The following RAD51B variants were observed in gnomAD, a reference collection of about 807,000 sequenced individuals.
RAD51B encodes the protein RAD51 paralog B.
RAD51B carries 38 observed loss-of-function variants against 42.2 expected under a neutral mutation model. The observed-to-expected ratio is 0.90, with a 90% CI of 0.70 to 1.18. The LOEUF is 1.18. RAD51B is among the 50% of genes most tolerant of loss of function. The probability of loss-of-function intolerance (pLI) is 0.00; values close to 1 mark genes in which losing one functional copy is unlikely to be tolerated. For missense variants in RAD51B, 373 were observed against 400.7 expected (o/e 0.93, Z 0.59); for synonymous variants, 154 against 145.2 (o/e 1.06, Z -0.43).
intron 10 of RAD51B, among the ~76,000 whole-genome samples, chr14:68,573,972 G>A (rs1286651028): frequency 2.2e-5 from 1 of 45,214 alleles, no homozygotes; most frequent in African/African-American, 8.4e-5. Context: ...GTGGGTGTCA[G>A]TGTGTGTATG....
At chr14:68,284,890 A>G (rs541657156) in intron 7 of RAD51B, among the ~76,000 whole-genome samples, 1 of 152,284 alleles carries the variant, frequency 6.6e-6, no homozygotes, top group Admixed American at 6.5e-5. Flanking sequence ...CTCTATACAA[A>G]GCTGGATGTG....
At chr14:68,406,385 A>T (rs1269900696) in intron 8 of RAD51B, among the ~76,000 whole-genome samples, 1 of 152,236 alleles carries the variant, frequency 6.6e-6, no homozygotes, top group Non-Finnish European at 1.5e-5. Context: ...ATGTTGCTGT[A>T]CTGAATACTA....
At chr14:68,370,864 C>G (rs2083240038) in intron 8 of RAD51B, among the ~76,000 whole-genome samples, 1 of 150,404 alleles carries the variant, frequency 6.6e-6, no homozygotes, top group African/African-American at 2.4e-5. Flanking sequence ...GAAACCCCAT[C>G]TCTACTAAAA....
intron 7 of RAD51B, among the ~76,000 whole-genome samples, chr14:68,184,391 A>C (rs1035817594): frequency 1.6e-4 from 24 of 152,084 alleles, no homozygotes; most frequent in Non-Finnish European, 2.9e-4. Context: ...GCATACCACC[A>C]TGCCTGGCTA....
At chr14:68,679,951 T>A (rs148807035) in intron 11 of RAD51B, among the ~76,000 whole-genome samples, 106 of 152,352 alleles carry the variant, frequency 7.0e-4, no homozygotes, top group African/African-American at 2.3e-3. Flanking sequence ...GAATGTTGGT[T>A]AATAATTACA....
chr14:68,296,080 C>G (rs189494896), intron 8 of RAD51B, among the ~76,000 whole-genome samples: 1 of 152,186 alleles, frequency 6.6e-6, no homozygotes, highest in African/African-American at 2.4e-5. Flanking sequence ...TCTGAAGGTC[C>G]TTTTTGTTGT....
At chr14:67,917,797 G>T (rs1276123745) in intron 7 of RAD51B, among the ~76,000 whole-genome samples, 1 of 152,068 alleles carries the variant, frequency 6.6e-6, no homozygotes, top group African/African-American at 2.4e-5. Flanking sequence ...AGATTTGAGG[G>T]GGAAGATCAG....
At chr14:67,849,124 A>G (rs1444493786) in intron 4 of RAD51B, among the ~76,000 whole-genome samples, 2 of 152,060 alleles carry the variant, frequency 1.3e-5, no homozygotes, top group Non-Finnish European at 2.9e-5. Context: ...TATTAGGGAA[A>G]TTTTCTTGAA....
intron 7 of RAD51B, among the ~76,000 whole-genome samples, chr14:67,956,799 GT>G: frequency 6.6e-6 from 1 of 152,318 alleles, no homozygotes; most frequent in Admixed American, 6.5e-5. Flanking sequence ...TGAAAATTTA[GT>G]TTCACTAGTT....
intron 7 of RAD51B, among the ~76,000 whole-genome samples, chr14:67,933,891 A>G (rs1322254139): frequency 6.6e-6 from 1 of 152,232 alleles, no homozygotes; most frequent in Non-Finnish European, 1.5e-5. Context: ...GCTCCTGCTG[A>G]GTCAGGCAAT....
intron 7 of RAD51B, among the ~76,000 whole-genome samples, chr14:68,274,176 C>G (rs2081176266): frequency 6.6e-6 from 1 of 152,076 alleles, no homozygotes; most frequent in Non-Finnish European, 1.5e-5. Flanking sequence ...TGGACGATGA[C>G]CATAGGGTAC....
chr14:68,017,202 T>C (rs2075789948), intron 7 of RAD51B, among the ~76,000 whole-genome samples: 1 of 152,196 alleles, frequency 6.6e-6, no homozygotes. Flanking sequence ...TCTTTTTTAT[T>C]TTATTTTTTT....
At chr14:68,210,020 C>T (rs546429767) in intron 7 of RAD51B, among the ~76,000 whole-genome samples, 9 of 150,382 alleles carry the variant, frequency 6.0e-5, no homozygotes, top group East Asian at 2.0e-4. Context: ...AGTGCAGTGG[C>T]GCCATCTCAG....
chr14:68,530,301 G>A (rs1435536865), intron 10 of RAD51B, among the ~76,000 whole-genome samples: 3 of 151,466 alleles, frequency 2.0e-5, no homozygotes, highest in Non-Finnish European at 4.4e-5. Flanking sequence ...AAAAAAAAAT[G>A]CCAGTCATAA....
intron 9 of RAD51B, among the ~76,000 whole-genome samples, chr14:68,429,822 C>T (rs751564842): frequency 6.8e-5 from 10 of 147,772 alleles, no homozygotes; most frequent in Admixed American, 1.3e-4. Context: ...AGTCCTTACC[C>T]ATGCCTATGT....
chr14:68,104,707 C>A (rs556588670), intron 7 of RAD51B, among the ~76,000 whole-genome samples: 1 of 152,118 alleles, frequency 6.6e-6, no homozygotes, highest in Non-Finnish European at 1.5e-5. Flanking sequence ...AATATTGGCC[C>A]ACATGATTCT....
At chr14:68,482,371 T>C (rs938959178), downstream of RAD51B, among the ~76,000 whole-genome samples, 1 of 152,152 alleles carries the variant, frequency 6.6e-6, no homozygotes, top group Non-Finnish European at 1.5e-5. Flanking sequence ...GCATAATGTC[T>C]TTTAGGTTGT....
intron 7 of RAD51B, among the ~76,000 whole-genome samples, chr14:68,146,791 GT>G (rs1401642909): frequency 6.6e-6 from 1 of 151,942 alleles, no homozygotes; most frequent in Admixed American, 6.6e-5. Flanking sequence ...TTTTTAAATT[GT>G]TTTTTCAGTA....
At chr14:68,455,727 TA>T (rs201831820) in intron 9 of RAD51B, among the ~76,000 whole-genome samples, 1 of 151,786 alleles carries the variant, frequency 6.6e-6, no homozygotes, top group Admixed American at 6.6e-5. Flanking sequence ...CTCAAAAAAT[TA>T]AAAAAAAAAT....
Sources: gnomAD v4.1 joint callset for allele counts (sites outside exome capture counted in the v4.1 genomes callset) on GRCh38, gnomAD v4.1.1 for gene constraint, MANE v1.5 for transcripts, NCBI Gene and HGNC (gene_info 2026-07-23, HGNC 2026-07-21) for gene names.